Variants in FRMD4B observed in about 807,000 individuals in gnomAD.
FRMD4B encodes the protein FERM domain containing 4B, also known as FERM domain-containing protein 4B.
A neutral mutation model predicts 141.5 loss-of-function variants in FRMD4B; 74 were observed. The ratio of observed to expected loss-of-function variants is 0.52; its 90% CI spans 0.43 to 0.63. The LOEUF is 0.63. FRMD4B is among the 30% of genes least tolerant of loss of function. The pLI, the probability that FRMD4B is intolerant of heterozygous loss-of-function variation, is 0.00. For synonymous variants in FRMD4B, 506 were observed against 467.9 expected (o/e 1.08, Z -1.05); for missense variants, 1,366 against 1,253.4 (o/e 1.09, Z -1.36).
Position 69,198,927 on chromosome 3 carries a change from A to C in FRMD4B, c.877-153T>G, listed in dbSNP as rs77490876. 2.9e-3 allele frequency: 1,799 copies of C among 611,698 alleles called. 24 individuals are homozygous for C. The African/African-American group carries it at 0.03, about 10-fold the overall frequency. The allele number at this position is 611,698 out of a possible 1,614,324, so 37.9% of individuals were successfully genotyped here. ...GATTCAGCCTTTTTACAAATCAACT[A>C]TGACCTGAAACCATTTTATTCCTTC... On this transcript the variant is annotated intron_variant, in intron 11 of 22. Coordinates refer to ENST00000398540, the MANE Select transcript of FRMD4B (RefSeq NM_015123.3).
intron 2 of FRMD4B, among the ~76,000 whole-genome samples, chr3:69,416,279 AT>A (rs1313005294): frequency 1.3e-5 from 2 of 152,152 alleles, no homozygotes; most frequent in Admixed American, 6.5e-5. Context: ...TTTATTAAAA[AT>A]TTTTTTGTAG....
At chr3:69,502,423 C>A (rs980118536) in intron 1 of FRMD4B, among the ~76,000 whole-genome samples, 23 of 152,212 alleles carry the variant, frequency 1.5e-4, no homozygotes, top group Admixed American at 1.3e-3. Flanking sequence ...CAAAAACAAG[C>A]AATGGGGAAA....
At chr3:69,425,650 A>G (rs1331106389) in intron 2 of FRMD4B, among the ~76,000 whole-genome samples, 1 of 152,250 alleles carries the variant, frequency 6.6e-6, no homozygotes, top group Non-Finnish European at 1.5e-5. Flanking sequence ...TCTTGATGCC[A>G]GGTGAAGTAA....
intron 1 of FRMD4B, among the ~76,000 whole-genome samples, chr3:69,323,608 G>GTATGTATATA (rs1553723965): frequency 9.8e-6 from 1 of 101,670 alleles, no homozygotes; most frequent in African/African-American, 3.7e-5. Context: ...CTCTCTCTGT[G>GTATGTATATA]TATATATATA....
chr3:69,181,310 C>T lies in FRMD4B; in HGVS notation c.2440G>A (p.Glu814Lys). The T allele has an allele frequency of 6.2e-7, 1 of 1,613,998 alleles. No homozygotes were observed. Among genetic ancestry groups the T allele is most frequent in the Non-Finnish European group, 8.5e-7 (1 of 1,179,876 alleles). Residue 814 changes from glutamate (E) to lysine (K), a missense_variant, in exon 21 of 23, where the codon GAG (glutamate) becomes AAG (lysine). Coordinates refer to ENST00000398540, the MANE Select transcript of FRMD4B (RefSeq NM_015123.3). Reference protein sequence around the residue: ...YYIAGYTPYAECDFYYSGGYV... With the variant: ...YYIAGYTPYAKCDFYYSGGYV... ...CCACCACTGTAATAAAAGTCACACT[C>T]TGCATAGGGTGTGTACCCGGCAATG...
At chr3:69,196,616 C>T in intron 13 of FRMD4B, 1 of 579,982 alleles carries the variant, frequency 1.7e-6, no homozygotes, top group Non-Finnish European at 3.0e-6. Flanking sequence ...TGGTGTGGTT[C>T]AGTTACTAAC....
At chr3:69,267,225 G>T (rs958735234) in intron 5 of FRMD4B, among the ~76,000 whole-genome samples, 8 of 152,098 alleles carry the variant, frequency 5.3e-5, no homozygotes, top group African/African-American at 1.9e-4. Context: ...CAAATTGAGA[G>T]ATCTTCTAAG....
At chr3:69,455,561 A>G (rs186078463) in intron 1 of FRMD4B, among the ~76,000 whole-genome samples, 1 of 152,250 alleles carries the variant, frequency 6.6e-6, no homozygotes, top group Non-Finnish European at 1.5e-5. Flanking sequence ...AACTACGAAC[A>G]CGTCCGACGG....
chr3:69,238,001 G>A (rs574600876), intron 7 of FRMD4B, among the ~76,000 whole-genome samples: 88 of 152,340 alleles, frequency 5.8e-4, no homozygotes, highest in African/African-American at 2.1e-3. Context: ...TAAAGTGCCA[G>A]GATTACAGGC....
intron 2 of FRMD4B, among the ~76,000 whole-genome samples, chr3:69,408,632 G>A (rs1704696949): frequency 6.6e-6 from 1 of 152,162 alleles, no homozygotes; most frequent in African/African-American, 2.4e-5. Flanking sequence ...AGGGCTTGTT[G>A]CACTGCCTGG....
At position 69,539,252 on chromosome 3, in the gene FRMD4B, T is replaced by C. The variant is rs187405949; in HGVS notation, c.-129+2954A>G. On this transcript the variant is annotated intron_variant, in intron 1 of 5. Coordinates refer to the FRMD4B transcript ENST00000459638. ...TTGTAAGTTAGCCAAAACTTTCTTT[T>C]TGTCTGCTCAAAGCATGCAGAGTCT... Among the ~76,000 whole-genome samples the C allele has an allele frequency of 1.1e-3, 166 of 152,338 alleles. 2 individuals are homozygous for C. The highest frequency in any genetic ancestry group is 1.2e-3 in the Non-Finnish European group (85 of 68,024).
At chr3:69,246,659 C>T (rs576608141) in intron 7 of FRMD4B, among the ~76,000 whole-genome samples, 377 of 152,226 alleles carry the variant, frequency 2.5e-3, no homozygotes, top group African/African-American at 6.1e-3. Flanking sequence ...ATGAGGGAAC[C>T]GAGGCTCAGA....
chr3:69,330,680 A>G (rs1181270374), intron 1 of FRMD4B, among the ~76,000 whole-genome samples: 1 of 151,474 alleles, frequency 6.6e-6, no homozygotes, highest in Non-Finnish European at 1.5e-5. Context: ...ATTTTATAAT[A>G]GAGACAGGGT....
chr3:69,326,119 A>AATT (rs1702183001), intron 1 of FRMD4B, among the ~76,000 whole-genome samples: 1 of 133,714 alleles, frequency 7.5e-6, no homozygotes, highest in African/African-American at 2.9e-5. Context: ...TGGCTAATCA[A>AATT]TTTTTTTTTT....
chr3:69,516,748 T>A (rs1051488600), intron 1 of FRMD4B, among the ~76,000 whole-genome samples: 1 of 152,200 alleles, frequency 6.6e-6, no homozygotes, highest in African/African-American at 2.4e-5. Context: ...TGAGTTAACA[T>A]TTAACACTAT....
intron 7 of FRMD4B, among the ~76,000 whole-genome samples, chr3:69,245,355 T>TGTGTGTGTGTGTGTG (rs1350634069): frequency 3.4e-5 from 5 of 147,196 alleles, no homozygotes; most frequent in Non-Finnish European, 7.5e-5. Context: ...GTGTGTGTGT[T>TGTGTGTGTGTGTGTG]TTTAGACAGA....
chr3:69,303,182 G>A (rs1701275168), intron 3 of FRMD4B, among the ~76,000 whole-genome samples: 1 of 152,196 alleles, frequency 6.6e-6, no homozygotes, highest in Non-Finnish European at 1.5e-5. Context: ...CACGGGTGTG[G>A]CGGCAGACAC....
chr3:69,411,927 T>G (rs923488829), intron 2 of FRMD4B, among the ~76,000 whole-genome samples: 4 of 152,224 alleles, frequency 2.6e-5, no homozygotes, highest in Non-Finnish European at 5.9e-5. Flanking sequence ...AATAAGTGGC[T>G]GAGTGTTCAG....
At chr3:69,308,422 A>C (rs1575715077) in intron 3 of FRMD4B, among the ~76,000 whole-genome samples, 2 of 141,838 alleles carry the variant, frequency 1.4e-5, no homozygotes, top group Non-Finnish European at 1.5e-5. Flanking sequence ...TAATCTCTGT[A>C]CTCTCATCAC....
Sources: gnomAD v4.1 joint callset for allele counts (sites outside exome capture counted in the v4.1 genomes callset) on GRCh38, gnomAD v4.1.1 for gene constraint, MANE v1.5 for transcripts, NCBI Gene and HGNC (gene_info 2026-07-23, HGNC 2026-07-21) for gene names.